Variants in GALNT13 observed in about 807,000 individuals in gnomAD.
The protein encoded by GALNT13 is polypeptide N-acetylgalactosaminyltransferase 13, also known as UDP-GalNAc:polypeptide N-acetylgalactosaminyltransferase 13.
In GALNT13, 28 loss-of-function variants were observed where a neutral mutation model predicts 64.2. That is an observed-to-expected ratio of 0.44 (90% CI 0.32 to 0.60). The LOEUF (loss-of-function observed/expected upper bound fraction) is 0.60, where lower values mean the gene tolerates loss of function less well. Ranked by LOEUF, GALNT13 falls within the 20% of genes least tolerant of loss-of-function variation. GALNT13 has a pLI of 0.05. For synonymous variants in GALNT13, 214 were observed against 224.6 expected (o/e 0.95, Z 0.42); for missense variants, 577 against 669.8 (o/e 0.86, Z 1.53).
the GALNT13 span, among the ~76,000 whole-genome samples, chr2:153,607,333 T>A: frequency 6.6e-6 from 1 of 152,094 alleles, no homozygotes; most frequent in African/African-American, 2.4e-5. Context: ...TCTAGGCACT[T>A]GGTAAACAAT....
the GALNT13 span, among the ~76,000 whole-genome samples, chr2:153,274,296 A>G: frequency 6.6e-6 from 1 of 152,158 alleles, no homozygotes; most frequent in African/African-American, 2.4e-5. Flanking sequence ...TCTGTAAGGA[A>G]CCGTACTGGG....
the GALNT13 span, among the ~76,000 whole-genome samples, chr2:153,802,568 A>G: frequency 6.6e-6 from 1 of 152,176 alleles, no homozygotes; most frequent in Non-Finnish European, 1.5e-5. Flanking sequence ...TCTAATCCTT[A>G]CAACCACATT....
At chr2:154,147,500 A>C (rs1445408232) in intron 4 of GALNT13, among the ~76,000 whole-genome samples, 3 of 151,656 alleles carry the variant, frequency 2.0e-5, no homozygotes, top group African/African-American at 7.3e-5. Context: ...CAAGCTTTGT[A>C]AGATGAATTT....
At chr2:154,153,272 G>C (rs1351585712) in intron 4 of GALNT13, among the ~76,000 whole-genome samples, 4 of 150,984 alleles carry the variant, frequency 2.6e-5, no homozygotes, top group African/African-American at 4.9e-5. Flanking sequence ...GAATGCTGCT[G>C]TCTGATCATT....
At chr2:154,423,242 C>T (rs761887035) in intron 11 of GALNT13, among the ~76,000 whole-genome samples, 1 of 152,078 alleles carries the variant, frequency 6.6e-6, no homozygotes, top group Non-Finnish European at 1.5e-5. Context: ...GACATGAACT[C>T]ATCCTTTTTT....
At chr2:153,643,297 A>C in the GALNT13 span, among the ~76,000 whole-genome samples, 13 of 151,556 alleles carry the variant, frequency 8.6e-5, no homozygotes, top group Non-Finnish European at 1.9e-4. Context: ...AATAAGCAAT[A>C]CTTTAGGGTT....
intron 3 of GALNT13, among the ~76,000 whole-genome samples, chr2:154,044,146 A>G (rs918412158): frequency 6.6e-6 from 1 of 152,170 alleles, no homozygotes; most frequent in Admixed American, 6.6e-5. Context: ...GTAGGGGATC[A>G]AGTTTGAATT....
intron 3 of GALNT13, among the ~76,000 whole-genome samples, chr2:154,043,871 G>C (rs1699143193): frequency 6.6e-6 from 1 of 151,982 alleles, no homozygotes; most frequent in Non-Finnish European, 1.5e-5. Flanking sequence ...AAGAGGCCCA[G>C]GTTGGTAGAC....
At chr2:153,555,296 G>A in the GALNT13 span, among the ~76,000 whole-genome samples, 6 of 109,406 alleles carry the variant, frequency 5.5e-5, no homozygotes, top group African/African-American at 1.9e-4. Context: ...CCGGGTTCAC[G>A]CCATTCTCCT....
chr2:153,777,302 G>A, the GALNT13 span, among the ~76,000 whole-genome samples: 1 of 152,152 alleles, frequency 6.6e-6, no homozygotes, highest in East Asian at 1.9e-4. Context: ...AGACACTTTC[G>A]AGTTTTTCTG....
At chr2:153,808,908 C>A in the GALNT13 span, among the ~76,000 whole-genome samples, 1 of 152,200 alleles carries the variant, frequency 6.6e-6, no homozygotes, top group Non-Finnish European at 1.5e-5. Context: ...ACTCATAATT[C>A]TGCTTATTCT....
At chr2:153,846,976 ATAATT>A in the GALNT13 span, among the ~76,000 whole-genome samples, 1 of 152,154 alleles carries the variant, frequency 6.6e-6, no homozygotes, top group African/African-American at 2.4e-5. Flanking sequence ...CAAATAAAAT[ATAATT>A]TAAGCTGTTT....
chr2:153,999,357 C>G (rs1447743934), intron 3 of GALNT13, among the ~76,000 whole-genome samples: 2 of 151,386 alleles, frequency 1.3e-5, no homozygotes, highest in African/African-American at 2.4e-5. Context: ...GTATGTTAAC[C>G]AAAAGTGGTG....
the GALNT13 span, among the ~76,000 whole-genome samples, chr2:153,170,652 A>C: frequency 6.6e-5 from 10 of 152,222 alleles, no homozygotes; most frequent in Non-Finnish European, 1.3e-4. Context: ...GGCTAAACAC[A>C]GGCTTTCTGA....
At chr2:153,929,755 G>A (rs561933719) in intron 2 of GALNT13, among the ~76,000 whole-genome samples, 13 of 152,200 alleles carry the variant, frequency 8.5e-5, no homozygotes, top group African/African-American at 3.1e-4. Context: ...CCAGTGATGG[G>A]CATCTAGGTT....
chr2:154,311,798 TTC>T (rs1448378212), intron 9 of GALNT13, among the ~76,000 whole-genome samples: 2 of 152,184 alleles, frequency 1.3e-5, no homozygotes, highest in African/African-American at 4.8e-5. Context: ...TAGGTGCGCA[TTC>T]TCTTTCTCAG....
the GALNT13 span, among the ~76,000 whole-genome samples, chr2:153,681,979 A>C: frequency 6.6e-6 from 1 of 151,714 alleles, no homozygotes. Context: ...TGTACCAAGC[A>C]TAGATGGTGT....
the GALNT13 span, among the ~76,000 whole-genome samples, chr2:153,547,399 C>A: frequency 6.6e-6 from 1 of 152,164 alleles, no homozygotes; most frequent in Non-Finnish European, 1.5e-5. Flanking sequence ...AAGATAAATT[C>A]ATCAGTGCCA....
intron 10 of GALNT13, among the ~76,000 whole-genome samples, chr2:154,399,285 G>A (rs1195720569): frequency 2.0e-5 from 3 of 152,034 alleles, no homozygotes; most frequent in African/African-American, 7.2e-5. Context: ...CTTGAGCTAT[G>A]TCTTAGTCCA....
Sources: allele counts gnomAD v4.1 joint callset (sites outside exome capture counted in the v4.1 genomes callset), GRCh38; gene constraint gnomAD v4.1.1; transcripts MANE v1.5; gene names NCBI Gene and HGNC (gene_info 2026-07-23, HGNC 2026-07-21).